The following ADK variants were observed in gnomAD, a reference collection of about 807,000 sequenced individuals.
ADK encodes adenosine kinase, also known as N6,N6-dimethyladenosine kinase.
ADK carries 24 observed loss-of-function variants against 44.7 expected under a neutral mutation model. The observed-to-expected ratio is 0.54, with a 90% CI of 0.39 to 0.76. The LOEUF is 0.76. Ranked by LOEUF, ADK falls within the 30% of genes least tolerant of loss-of-function variation. The pLI, the probability that ADK is intolerant of heterozygous loss-of-function variation, is 0.00. For synonymous variants in ADK, 128 were observed against 142.6 expected, an observed-to-expected ratio of 0.90 and a Z score of 0.73; for missense variants, 321 against 425.1, an observed-to-expected ratio of 0.76 and a Z score of 2.15.
intron 6 of ADK, among the ~76,000 whole-genome samples, chr10:74,511,681 C>G (rs995838485): frequency 2.0e-4 from 30 of 152,078 alleles, no homozygotes; most frequent in African/African-American, 7.2e-4. Context: ...ATTCATTTAT[C>G]AGTTCTAAGA....
intron 6 of ADK, among the ~76,000 whole-genome samples, chr10:74,516,147 C>T (rs1848564454): frequency 6.6e-6 from 1 of 152,146 alleles, no homozygotes; most frequent in Non-Finnish European, 1.5e-5. Flanking sequence ...GGGCTCAGGG[C>T]TTGTGAGGAC....
intron 7 of ADK, among the ~76,000 whole-genome samples, chr10:74,585,449 T>C (rs1178948767): frequency 1.3e-5 from 2 of 152,154 alleles, no homozygotes; most frequent in South Asian, 4.1e-4. Context: ...AACTGAGTAA[T>C]AGTGAAAGTT....
chr10:74,259,225 G>A (rs1350620684), intron 3 of ADK, among the ~76,000 whole-genome samples: 11 of 151,604 alleles, frequency 7.3e-5, no homozygotes, highest in African/African-American at 2.2e-4. Flanking sequence ...GATTACAGGT[G>A]TGAGCCACTG....
intron 9 of ADK, among the ~76,000 whole-genome samples, chr10:74,609,018 T>G (rs1470617868): frequency 5.9e-5 from 9 of 152,230 alleles, no homozygotes; most frequent in Non-Finnish European, 1.3e-4. Context: ...GAACTTTGTT[T>G]GCATCTTTGT....
chr10:74,524,425 G>A lies in ADK; in HGVS notation c.556-831G>A, dbSNP rs1033463695. ...TGATTGATATAGAGACAAGGTCTCC[G>A]TGTATTTCCCAGGCTGGAGTGCAGT... On this transcript the variant is annotated intron_variant, in intron 6 of 10. Coordinates refer to ENST00000539909, the MANE Select transcript of ADK (RefSeq NM_006721.4). Among the ~76,000 whole-genome samples the A allele has an allele frequency of 1.1e-4, 16 of 152,198 alleles. No homozygotes were observed. In the East Asian group the frequency reaches 1.2e-3, roughly 11 times the overall value.
At chr10:74,483,163 G>A (rs1025534466) in intron 6 of ADK, among the ~76,000 whole-genome samples, 7 of 152,138 alleles carry the variant, frequency 4.6e-5, no homozygotes, top group Non-Finnish European at 8.8e-5. Context: ...TACGTCCTCC[G>A]AAATCTAGGC....
At chr10:74,309,599 C>T (rs1840368037) in intron 3 of ADK, among the ~76,000 whole-genome samples, 1 of 152,090 alleles carries the variant, frequency 6.6e-6, no homozygotes, top group African/African-American at 2.4e-5. Flanking sequence ...GATTCTGCTG[C>T]TTTGTCTGTA....
intron 9 of ADK, among the ~76,000 whole-genome samples, chr10:74,630,525 G>A (rs1328828684): frequency 6.6e-6 from 1 of 151,848 alleles, no homozygotes; most frequent in East Asian, 1.9e-4. Context: ...GTTTCCCTGT[G>A]ATAAAATTCA....
chr10:74,153,424 G>C (rs1841667566), intron 1 of ADK, among the ~76,000 whole-genome samples: 1 of 152,198 alleles, frequency 6.6e-6, no homozygotes, highest in Admixed American at 6.5e-5. Flanking sequence ...TGAGAAATCT[G>C]TTCTAGAGGG....
At chr10:74,279,482 A>C (rs1466927641) in intron 3 of ADK, among the ~76,000 whole-genome samples, 1 of 151,002 alleles carries the variant, frequency 6.6e-6, no homozygotes, top group East Asian at 2.0e-4. Flanking sequence ...GCTACTTGGG[A>C]GGCTAAGGCC....
chr10:74,657,157 T>C (rs1854519612), intron 9 of ADK, among the ~76,000 whole-genome samples: 1 of 152,188 alleles, frequency 6.6e-6, no homozygotes, highest in South Asian at 2.1e-4. Flanking sequence ...CCACCTTGGC[T>C]GAGACGACAG....
At chr10:74,162,612 T>C (rs770396153) in intron 1 of ADK, among the ~76,000 whole-genome samples, 27 of 151,554 alleles carry the variant, frequency 1.8e-4, no homozygotes, top group Admixed American at 5.3e-4. Context: ...TGGCATGATC[T>C]CACCTCACTG....
At position 74,213,591 on chromosome 10, in the gene ADK, G is replaced by C. The variant is rs552674224; in HGVS notation, c.141-10947G>C. Among the ~76,000 whole-genome samples the C allele has an allele frequency of 2.1e-4, 32 of 152,246 alleles. No homozygotes were observed. The South Asian group carries it at 6.2e-3, about 30-fold the overall frequency. On this transcript the variant is annotated intron_variant, in intron 2 of 10. Coordinates refer to ENST00000539909, the MANE Select transcript of ADK (RefSeq NM_006721.4). ...AGCTAGAACATTTAATAGATGGATA[G>C]ATAAAGAATGAGTATAGAATGAGAT...
chr10:74,166,518 C>A (rs1267343477), intron 1 of ADK, among the ~76,000 whole-genome samples: 1 of 151,824 alleles, frequency 6.6e-6, no homozygotes, highest in Admixed American at 6.6e-5. Flanking sequence ...TGAGGTTTTG[C>A]CATGTCACCC....
intron 7 of ADK, among the ~76,000 whole-genome samples, chr10:74,566,398 G>A (rs1010466466): frequency 6.6e-6 from 1 of 151,668 alleles, no homozygotes; most frequent in Non-Finnish European, 1.5e-5. Flanking sequence ...GTAGAGACAG[G>A]GTCTCACTAT....
intron 7 of ADK, among the ~76,000 whole-genome samples, chr10:74,550,492 T>C (rs1431942609): frequency 6.6e-6 from 1 of 152,174 alleles, no homozygotes; most frequent in Non-Finnish European, 1.5e-5. Context: ...ATTATTACAG[T>C]AGTCTCATAA....
chr10:74,441,399 C>T (rs1845402428), intron 6 of ADK, among the ~76,000 whole-genome samples: 1 of 151,958 alleles, frequency 6.6e-6, no homozygotes, highest in Non-Finnish European at 1.5e-5. Flanking sequence ...TAGATATATA[C>T]CAAAGAAAAA....
chr10:74,622,537 T>A (rs1853031247), intron 9 of ADK, among the ~76,000 whole-genome samples: 1 of 152,230 alleles, frequency 6.6e-6, no homozygotes, highest in Admixed American at 6.5e-5. Flanking sequence ...CATTTTTTTA[T>A]TATTAAATAG....
chr10:74,582,019 T>G (rs760021121), intron 7 of ADK, among the ~76,000 whole-genome samples: 2 of 152,162 alleles, frequency 1.3e-5, no homozygotes, highest in African/African-American at 2.4e-5. Flanking sequence ...TAATGCTAAT[T>G]TTTAGGGGTT....
Sources: gnomAD v4.1 joint callset for allele counts (sites outside exome capture counted in the v4.1 genomes callset) on GRCh38, gnomAD v4.1.1 for gene constraint, MANE v1.5 for transcripts, NCBI Gene and HGNC (gene_info 2026-07-23, HGNC 2026-07-21) for gene names.